Variants in SRXN1 observed in about 807,000 individuals in gnomAD.
SRXN1 encodes sulfiredoxin-1.
Under a neutral mutation model 11.0 loss-of-function variants are expected in SRXN1, and 11 were observed. That is an observed-to-expected ratio of 1.00 (90% CI 0.63 to 1.65). SRXN1 has a LOEUF of 1.65. Among genes scored for constraint, SRXN1 ranks in the 40% most tolerant of loss-of-function variants. SRXN1 has a pLI of 0.00. For synonymous variants in SRXN1, 106 were observed against 92.8 expected, an observed-to-expected ratio of 1.14 and a Z score of -0.82; for missense variants, 211 against 194.5, an observed-to-expected ratio of 1.08 and a Z score of -0.50.
Position 653,175 on chromosome 20 carries a change from C to T in SRXN1, c.11G>A (p.Arg4His), listed in dbSNP as rs1305587371. 1.0e-5 allele frequency: 13 copies of T among 1,256,004 alleles called. 2 individuals carry two copies. In the South Asian group the frequency reaches 3.6e-4, roughly 35 times the overall value. The allele number at this position is 1,256,004 out of a possible 1,614,324, so 77.8% of individuals were successfully genotyped here. The change falls in exon 1 of 2, where the codon CGT (arginine) becomes CAT (histidine). Residue 4 changes from arginine (R) to histidine (H), a missense_variant. Transcript: ENST00000381962. ...GGCCCTGCCCAGCGTTCCTCCTGCA[C>T]GCAGCCCCATCGTCGCCGCCGCCGC... is the stretch of plus-strand genomic sequence containing the variant. The part of the protein sequence containing the change: MGL[R>H]AGGTLGRAGA...
At chr20:652,493 T>G (rs6053725) in intron 1 of SRXN1, among the ~76,000 whole-genome samples, 4,296 of 152,236 alleles carry the variant, frequency 0.028, 149 homozygotes, top group African/African-American at 0.083. Context: ...TGTCACTGAC[T>G]GTCACAGCCA....
chr20:652,445 C>T (rs535040278), intron 1 of SRXN1, among the ~76,000 whole-genome samples: 1 of 152,292 alleles, frequency 6.6e-6, no homozygotes, highest in East Asian at 1.9e-4. Context: ...CCCATTCAGA[C>T]AAGGGCCTCC....
rs750247341 is a variant in SRXN1 at position 648,381 on chromosome 20, G to T, written c.*333C>A. On this transcript the variant is annotated 3_prime_UTR_variant, in exon 2 of 2. Transcript: ENST00000381962. Reference sequence around the variant, plus strand: ...TTGCAGCTGAATGTAGTCCATATAAGAGGTTACATAGACAAAAATGCAGAG... The same window carrying T: ...TTGCAGCTGAATGTAGTCCATATAATAGGTTACATAGACAAAAATGCAGAG... The T allele has an allele frequency of 2.1e-5, 11 of 514,520 alleles. No individual in the cohort carries two copies. Among genetic ancestry groups the T allele is most frequent in the South Asian group, 1.5e-4 (10 of 65,110 alleles). The allele number at this position is 514,520 out of a possible 1,614,324, so 31.9% of individuals were successfully genotyped here.
Position 648,622 on chromosome 20 carries a change from A to C in SRXN1, c.*92T>G, listed in dbSNP as rs1983595303. ...CTCTCGCCAGGTGCAAAGAGAATGCACCCCTGCTATCCCTTCTGCATGGCC... is the reference window on the plus strand; with the variant it reads ...CTCTCGCCAGGTGCAAAGAGAATGCCCCCCTGCTATCCCTTCTGCATGGCC... On this transcript the variant is annotated 3_prime_UTR_variant, in exon 2 of 2. Transcript: ENST00000381962. The C allele has an allele frequency of 7.1e-7, 1 of 1,412,252 alleles. No homozygotes were observed. Among genetic ancestry groups the C allele is most frequent in the Admixed American group, 1.8e-5 (1 of 56,812 alleles). 87.5% of individuals were successfully genotyped at this position (1,412,252 alleles called of 1,614,324 possible).
intron 1 of SRXN1, among the ~76,000 whole-genome samples, chr20:650,102 CAGGAGCCAG>C (rs1293170151): frequency 6.6e-6 from 1 of 152,204 alleles, no homozygotes; most frequent in African/African-American, 2.4e-5. Context: ...GAAAGGCCAG[CAGGAGCCAG>C]ATGGTGCAGG....
At chr20:649,060 T>C in intron 1 of SRXN1, 143 bp from the exon 2 acceptor site, 6 of 876,476 alleles carry the variant, frequency 6.8e-6, no homozygotes, top group Non-Finnish European at 1.1e-5. Flanking sequence ...ATCAGGAATT[T>C]TGTGAGCTGT....
rs1983569492 is a variant in SRXN1 at position 647,840 on chromosome 20, C to G, written c.*874G>C. The G allele has an allele frequency of 5.7e-6, 2 of 349,424 alleles. No individual in the cohort carries two copies. The highest frequency in any genetic ancestry group is 7.8e-5 in the Admixed American group (2 of 25,772). The allele number at this position is 349,424 out of a possible 1,614,324, so 21.6% of individuals were successfully genotyped here. A position where few individuals can be genotyped will look rare whatever the true frequency, so the allele number is the denominator to read the frequency against. ...TGGTTTGTTACACAGCAAAAGCTAA[C>G]TGGTACACAATTCTGCATTTCTCTC... On this transcript the variant is annotated 3_prime_UTR_variant, in exon 2 of 2. Coordinates refer to ENST00000381962, the MANE Select transcript of SRXN1 (RefSeq NM_080725.3).
At position 652,963 on chromosome 20, in the gene SRXN1, C is replaced by A; in HGVS notation, c.210+13G>T. The stretch of plus-strand genomic sequence containing the variant: ...GCCCTCCCTCCGGTTGGCTGGACTC[C>A]CCGAGGCCTCACCCGGATCGTGTCC... On this transcript the variant is annotated intron_variant, in intron 1 of 1. Coordinates refer to ENST00000381962, the MANE Select transcript of SRXN1 (RefSeq NM_080725.3). 1 of 1,466,806 alleles carries A rather than the reference C, an allele frequency of 6.8e-7. No homozygotes were observed. Among genetic ancestry groups the A allele is most frequent in the Admixed American group, 2.3e-5 (1 of 43,636 alleles). 90.9% of individuals were successfully genotyped at this position (1,466,806 alleles called of 1,614,324 possible).
Position 653,115 on chromosome 20 carries a change from G to GGCCCGGGCCCCTCGGGCGCC in SRXN1, c.51_70dup (p.Pro24ArgfsTer30). The GGCCCGGGCCCCTCGGGCGCC allele has an allele frequency of 7.5e-7, 1 of 1,339,528 alleles. No homozygotes were observed. The highest frequency in any genetic ancestry group is 9.5e-7 in the Non-Finnish European group (1 of 1,051,152). 83.0% of individuals were successfully genotyped at this position (1,339,528 alleles called of 1,614,324 possible). A position where few individuals can be genotyped will look rare whatever the true frequency, so the allele number is the denominator to read the frequency against. Reference sequence around the variant, plus strand: ...GCTGCCGCCCTGCGCGCCGCCGCTCGGCCCGGGCCCCTCGGGCGCCCCCCG... The same window carrying GGCCCGGGCCCCTCGGGCGCC: ...GCTGCCGCCCTGCGCGCCGCCGCTCGGCCCGGGCCCCTCGGGCGCCGCCCGGGCCCCTCGGGCGCCCCCCG... On this transcript the variant is annotated frameshift_variant, in exon 1 of 2. Transcript: ENST00000381962. LOFTEE classifies it high-confidence loss of function.
intron 1 of SRXN1, among the ~76,000 whole-genome samples, chr20:652,651 G>A (rs943556774): frequency 9.9e-5 from 15 of 151,816 alleles, no homozygotes; most frequent in Non-Finnish European, 2.2e-4. Flanking sequence ...CTCAGTTCTC[G>A]TCTGCAAAAG....
At chr20:650,517 G>A (rs928741266) in intron 1 of SRXN1, among the ~76,000 whole-genome samples, 3 of 152,188 alleles carry the variant, frequency 2.0e-5, no homozygotes, top group African/African-American at 7.2e-5. Context: ...AGAGCACTCT[G>A]GGGAGACCCC....
intron 1 of SRXN1, among the ~76,000 whole-genome samples, chr20:649,573 A>G (rs573675639): frequency 1.1e-4 from 16 of 152,230 alleles, no homozygotes; most frequent in African/African-American, 2.6e-4. Context: ...ATGGTGGTGT[A>G]TGCCTGTAAT....
At chr20:650,759 A>C (rs960088695) in intron 1 of SRXN1, among the ~76,000 whole-genome samples, 1 of 152,216 alleles carries the variant, frequency 6.6e-6, no homozygotes, top group Non-Finnish European at 1.5e-5. Flanking sequence ...AGGGCTGCTG[A>C]TGAAGAGTCA....
At position 652,840 on chromosome 20, in the gene SRXN1, G is replaced by A. The variant is rs1188999667; in HGVS notation, c.210+136C>T. On this transcript the variant is annotated intron_variant, in intron 1 of 1. Transcript: ENST00000381962. ...AGAGAGGCCCAGCTACTTGCTCAAG[G>A]TCACACAGCAGAGGCTGAGCTCCGG... 2.4e-6 allele frequency: 3 copies of A among 1,269,898 alleles called. No homozygotes were observed. In the African/African-American group the frequency reaches 4.7e-5, roughly 20 times the overall value. The allele number at this position is 1,269,898 out of a possible 1,614,324, so 78.7% of individuals were successfully genotyped here.
At position 648,109 on chromosome 20, in the gene SRXN1, G is replaced by T. The variant is rs1370654780; in HGVS notation, c.*605C>A. ...TGATAGAAGGTGACGGGTCCAGCTA[G>T]TTTGGCCCTTCCTCTTCCTCCACCC... On this transcript the variant is annotated 3_prime_UTR_variant, in exon 2 of 2. Coordinates refer to ENST00000381962, the MANE Select transcript of SRXN1 (RefSeq NM_080725.3). 2.2e-6 allele frequency: 1 copy of T among 456,300 alleles called. No homozygotes were observed. Among genetic ancestry groups the T allele is most frequent in the South Asian group, 1.5e-5 (1 of 64,574 alleles). The allele number at this position is 456,300 out of a possible 1,614,324, so 28.3% of individuals were successfully genotyped here.
intron 1 of SRXN1, 67 bp downstream of exon 1, chr20:652,909 C>G (rs1983710453): frequency 2.2e-6 from 2 of 922,328 alleles, no homozygotes; most frequent in East Asian, 1.2e-4. Flanking sequence ...GCAGCGACCT[C>G]CCTCCTCCGG....
At chr20:649,821 C>G (rs1446225527) in intron 1 of SRXN1, among the ~76,000 whole-genome samples, 2 of 152,120 alleles carry the variant, frequency 1.3e-5, no homozygotes, top group Non-Finnish European at 2.9e-5. Context: ...CTTTTTGTGC[C>G]TCAGTTGCCC....
intron 1 of SRXN1, among the ~76,000 whole-genome samples, chr20:650,299 G>A (rs1030778865): frequency 6.6e-6 from 1 of 152,208 alleles, no homozygotes; most frequent in African/African-American, 2.4e-5. Flanking sequence ...ATGCTGGTCT[G>A]GATGATGGTG....
intron 1 of SRXN1, among the ~76,000 whole-genome samples, chr20:652,216 AC>A (rs1983690674): frequency 1.3e-5 from 2 of 152,034 alleles, no homozygotes. Context: ...TAGTGTAAAT[AC>A]TAGGACTGAA....
Sources: allele counts gnomAD v4.1 joint callset (sites outside exome capture counted in the v4.1 genomes callset), GRCh38; gene constraint gnomAD v4.1.1; transcripts MANE v1.5; gene names NCBI Gene and HGNC (gene_info 2026-07-23, HGNC 2026-07-21).